TNFAIP8L3: variants seen among roughly 807,000 people sequenced by gnomAD.
TNFAIP8L3 encodes the protein TNF alpha induced protein 8 like 3.
A neutral mutation model predicts 11.8 loss-of-function variants in TNFAIP8L3; 7 were observed. That is an observed-to-expected ratio of 0.59 (90% CI 0.34 to 1.11). TNFAIP8L3 has a LOEUF of 1.11. Among genes scored for constraint, TNFAIP8L3 ranks in the 50% most tolerant of loss-of-function variants. TNFAIP8L3 has a pLI of 0.03. For synonymous variants in TNFAIP8L3, 98 were observed against 103.8 expected, an observed-to-expected ratio of 0.94 and a Z score of 0.34; for missense variants, 219 against 258.6, an observed-to-expected ratio of 0.85 and a Z score of 1.05.
At chr15:51,075,231 C>T (rs1201001692) in intron 1 of TNFAIP8L3, among the ~76,000 whole-genome samples, 1 of 152,058 alleles carries the variant, frequency 6.6e-6, no homozygotes, top group Non-Finnish European at 1.5e-5. Flanking sequence ...GCACAAGGTC[C>T]ACCCTTTGCC....
intron 1 of TNFAIP8L3, among the ~76,000 whole-genome samples, chr15:51,059,246 C>T (rs1013894144): frequency 2.6e-5 from 4 of 151,986 alleles, no homozygotes; most frequent in Non-Finnish European, 5.9e-5. Flanking sequence ...AAACCAGACC[C>T]AATTTATTTT....
At chr15:51,060,312 C>G (rs1476914611) in intron 1 of TNFAIP8L3, among the ~76,000 whole-genome samples, 1 of 152,218 alleles carries the variant, frequency 6.6e-6, no homozygotes, top group Non-Finnish European at 1.5e-5. Flanking sequence ...GCTTTGAAGT[C>G]AATTCCACAG....
intron 1 of TNFAIP8L3, among the ~76,000 whole-genome samples, chr15:51,059,547 G>A (rs905101182): frequency 1.3e-5 from 2 of 152,202 alleles, no homozygotes; most frequent in Non-Finnish European, 2.9e-5. Flanking sequence ...TCTACAGTAT[G>A]TATGTATATT....
chr15:51,058,113 G>A lies in TNFAIP8L3; in HGVS notation c.383C>T (p.Thr128Ile), dbSNP rs377692647. Residue 128 changes from threonine (T) to isoleucine (I), a missense_variant, in exon 2 of 2, where the codon ACC becomes ATC. By Grantham distance (89) the Thr-to-Ile change is moderately conservative. Coordinates refer to ENST00000637513, the MANE Select transcript of TNFAIP8L3 (RefSeq NM_001311175.2). The stretch of plus-strand genomic sequence containing the variant: ...ATTGGAGAGCACGTTCCTATCGAAG[G>A]TGTATTCCACCTCATAGAAGCTGAC... ...TIVSFYEVEYTFDRNVLSNLL... is the reference protein window; with the variant it reads ...TIVSFYEVEYIFDRNVLSNLL... 79 of 1,614,062 alleles carry A rather than the reference G, an allele frequency of 4.9e-5. No individual in the cohort carries two copies. Among genetic ancestry groups the A allele is most frequent in the Non-Finnish European group, 5.6e-5 (66 of 1,180,034 alleles).
At chr15:51,089,449 G>A (rs966855778) in intron 1 of TNFAIP8L3, among the ~76,000 whole-genome samples, 2 of 152,218 alleles carry the variant, frequency 1.3e-5, no homozygotes, top group African/African-American at 4.8e-5. Context: ...AGGTAAGGGA[G>A]GTGAGGAGTC....
chr15:51,069,234 G>A (rs35111245), intron 1 of TNFAIP8L3, among the ~76,000 whole-genome samples: 28,445 of 152,128 alleles, frequency 0.19, 3,405 homozygotes, highest in East Asian at 0.44. Context: ...CTTTGGCTTT[G>A]CAGTTGGTAG....
chr15:51,062,304 A>G (rs937275260), intron 1 of TNFAIP8L3, among the ~76,000 whole-genome samples: 1 of 151,764 alleles, frequency 6.6e-6, no homozygotes, highest in African/African-American at 2.4e-5. Flanking sequence ...AAATAAAATA[A>G]AATACAGTGA....
chr15:51,080,362 GA>G (rs1170401558), intron 1 of TNFAIP8L3, among the ~76,000 whole-genome samples: 1 of 152,060 alleles, frequency 6.6e-6, no homozygotes, highest in Non-Finnish European at 1.5e-5. Context: ...TAGCAGAATA[GA>G]AAGTTCTTCT....
chr15:51,080,351 G>A (rs1005147888), intron 1 of TNFAIP8L3, among the ~76,000 whole-genome samples: 3 of 151,808 alleles, frequency 2.0e-5, no homozygotes, highest in Non-Finnish European at 1.5e-5. Context: ...CCTAAAGTTC[G>A]TAGCAGAATA....
At chr15:51,082,803 A>C (rs1782829712) in intron 1 of TNFAIP8L3, among the ~76,000 whole-genome samples, 1 of 152,180 alleles carries the variant, frequency 6.6e-6, no homozygotes, top group Non-Finnish European at 1.5e-5. Flanking sequence ...TCTGCCGACA[A>C]AGGGTCAAGA....
chr15:51,082,799 G>A (rs148984143), intron 1 of TNFAIP8L3, among the ~76,000 whole-genome samples: 37 of 151,732 alleles, frequency 2.4e-4, no homozygotes, highest in African/African-American at 9.0e-4. Context: ...AGTCTCTGCC[G>A]ACAAAGGGTC....
At chr15:51,089,359 C>G (rs928064364) in intron 1 of TNFAIP8L3, among the ~76,000 whole-genome samples, 1 of 152,180 alleles carries the variant, frequency 6.6e-6, no homozygotes, top group African/African-American at 2.4e-5. Flanking sequence ...AGCTAACTAA[C>G]AGTCCAGCAC....
intron 1 of TNFAIP8L3, among the ~76,000 whole-genome samples, chr15:51,101,626 A>G (rs1234582040): frequency 9.6e-6 from 1 of 103,970 alleles, no homozygotes; most frequent in Non-Finnish European, 2.3e-5. Flanking sequence ...TGTCTCAAAC[A>G]AAAAAAAAAA....
intron 1 of TNFAIP8L3, among the ~76,000 whole-genome samples, chr15:51,082,500 C>T (rs966731974): frequency 1.3e-5 from 2 of 152,166 alleles, no homozygotes; most frequent in Admixed American, 6.5e-5. Context: ...CTACTATAGA[C>T]TTTATCAACA....
intron 1 of TNFAIP8L3, among the ~76,000 whole-genome samples, chr15:51,101,051 T>C (rs1167713002): frequency 6.6e-6 from 1 of 152,196 alleles, no homozygotes; most frequent in African/African-American, 2.4e-5. Context: ...AGGAATATTC[T>C]CCCCTATCCT....
intron 1 of TNFAIP8L3, among the ~76,000 whole-genome samples, chr15:51,077,406 C>T (rs1166486807): frequency 1.3e-5 from 2 of 152,234 alleles, no homozygotes; most frequent in Non-Finnish European, 2.9e-5. Flanking sequence ...AGCTGCCCCG[C>T]CTGTCTCCCC....
rs138284679 is a variant in TNFAIP8L3, at chr15:51,071,417, A to AT, written c.53-12975dup. Among the ~76,000 whole-genome samples, 1,286 of 151,154 alleles carry AT rather than the reference A, an allele frequency of 8.5e-3. 14 individuals carry two copies. The highest frequency in any genetic ancestry group is 0.029 in the African/African-American group (1,183 of 41,174). On this transcript the variant is annotated intron_variant, in intron 1 of 1. Coordinates refer to ENST00000637513, the MANE Select transcript of TNFAIP8L3 (RefSeq NM_001311175.2). ...GATCAAACTGCACTACAGAAGTTGTATTTTTTTTTCATCTATCCACGTTTT... is the reference window on the plus strand; with the variant it reads ...GATCAAACTGCACTACAGAAGTTGTATTTTTTTTTTCATCTATCCACGTTTT...
At chr15:51,102,366 A>C (rs991285473) in intron 1 of TNFAIP8L3, among the ~76,000 whole-genome samples, 1 of 152,144 alleles carries the variant, frequency 6.6e-6, no homozygotes, top group Admixed American at 6.6e-5. Context: ...TAATTCTCTC[A>C]TGTTTATGTG....
chr15:51,090,727 G>C (rs1284070455), intron 1 of TNFAIP8L3, among the ~76,000 whole-genome samples: 1 of 152,122 alleles, frequency 6.6e-6, no homozygotes, highest in Admixed American at 6.5e-5. Context: ...GGCAGAGTTA[G>C]GGGCCTGGTG....
Sources: gnomAD v4.1 joint callset for allele counts (sites outside exome capture counted in the v4.1 genomes callset) on GRCh38, gnomAD v4.1.1 for gene constraint, MANE v1.5 for transcripts, NCBI Gene and HGNC (gene_info 2026-07-23, HGNC 2026-07-21) for gene names.